Variants in THSD7B observed in about 807,000 individuals in gnomAD.
The protein encoded by THSD7B is thrombospondin type 1 domain containing 7B, also known as thrombospondin type-1 domain-containing protein 7B.
A neutral mutation model predicts 213.6 loss-of-function variants in THSD7B; 138 were observed. That is an observed-to-expected ratio of 0.65 (90% CI 0.56 to 0.74). The LOEUF is 0.74. Ranked by LOEUF, THSD7B falls within the 30% of genes least tolerant of loss-of-function variation. THSD7B has a pLI of 0.00. For synonymous variants in THSD7B, 742 were observed against 687.0 expected (o/e 1.08, Z -1.25); for missense variants, 1,931 against 1,991.5 (o/e 0.97, Z 0.58).
chr2:136,935,434 G>A (rs931753434), intron 2 of THSD7B, among the ~76,000 whole-genome samples: 1 of 152,130 alleles, frequency 6.6e-6, no homozygotes, highest in Non-Finnish European at 1.5e-5. Context: ...TAACAGAGTA[G>A]TTATTATTTT....
chr2:137,673,616 A>C (rs982116219), intron 27 of THSD7B, among the ~76,000 whole-genome samples: 1 of 152,228 alleles, frequency 6.6e-6, no homozygotes, highest in Non-Finnish European at 1.5e-5. Flanking sequence ...AAAGCAAGCC[A>C]GAGGTTCTAA....
Position 137,676,696 on chromosome 2 carries a change from A to C in THSD7B, c.*91A>C. ...ACTTCTCAGTTTTTTGAGGAATCTC[A>C]AGATGTGATATATTGGGCAGAATAC... On this transcript the variant is annotated 3_prime_UTR_variant, in exon 28 of 28. Transcript: ENST00000409968. 142 of 1,150,102 alleles carry C rather than the reference A, an allele frequency of 1.2e-4. No individual in the cohort carries two copies. Among genetic ancestry groups the C allele is most frequent in the Non-Finnish European group, 1.6e-4 (134 of 830,812 alleles). The allele number at this position is 1,150,102 out of a possible 1,614,324, so 71.2% of individuals were successfully genotyped here. A position where few individuals can be genotyped will look rare whatever the true frequency, so the allele number is the denominator to read the frequency against.
intron 27 of THSD7B, among the ~76,000 whole-genome samples, chr2:137,674,197 C>A (rs1239886900): frequency 6.6e-6 from 1 of 152,178 alleles, no homozygotes; most frequent in Non-Finnish European, 1.5e-5. Flanking sequence ...TGTCTAATTT[C>A]TCCTTGCCCA....
chr2:137,537,546 G>A (rs1680530022), intron 15 of THSD7B, among the ~76,000 whole-genome samples: 2 of 151,600 alleles, frequency 1.3e-5, no homozygotes, highest in Admixed American at 6.6e-5. Context: ...ATGATGATGG[G>A]TTGTATAACT....
At chr2:136,990,099 C>A (rs1386960822) in intron 2 of THSD7B, among the ~76,000 whole-genome samples, 1 of 152,148 alleles carries the variant, frequency 6.6e-6, no homozygotes, top group Non-Finnish European at 1.5e-5. Context: ...AAATATAATG[C>A]AATTTTCTCA....
intron 15 of THSD7B, among the ~76,000 whole-genome samples, chr2:137,512,382 C>CTTTTTTTTTTT (rs70978233): frequency 3.7e-5 from 3 of 81,380 alleles, no homozygotes; most frequent in Non-Finnish European, 4.2e-5. Context: ...CATTTATTTC[C>CTTTTTTTTTTT]TTTTTTTTTT....
intron 2 of THSD7B, among the ~76,000 whole-genome samples, chr2:137,038,147 C>T (rs1432234): frequency 0.8 from 121,831 of 152,102 alleles, 49,472 homozygotes; most frequent in South Asian, 0.92. Flanking sequence ...CACTTGGGAA[C>T]TTAAGGGCTG....
intron 2 of THSD7B, among the ~76,000 whole-genome samples, chr2:136,926,524 C>T (rs778354768): frequency 1.8e-4 from 27 of 151,910 alleles, no homozygotes; most frequent in Non-Finnish European, 4.0e-4. Flanking sequence ...AAAACCCTGT[C>T]TCTACAAAAA....
At chr2:136,927,121 C>G (rs1245069230) in intron 2 of THSD7B, among the ~76,000 whole-genome samples, 2 of 151,596 alleles carry the variant, frequency 1.3e-5, no homozygotes, top group Non-Finnish European at 2.9e-5. Flanking sequence ...CTATCACATA[C>G]AATTTTCAGC....
chr2:137,590,454 A>G (rs1441283964), intron 17 of THSD7B, among the ~76,000 whole-genome samples: 2 of 152,298 alleles, frequency 1.3e-5, no homozygotes, highest in African/African-American at 4.8e-5. Context: ...ACAAGATTGT[A>G]TCAGGCTTGG....
At chr2:137,631,235 A>C (rs1408384037) in intron 20 of THSD7B, among the ~76,000 whole-genome samples, 1 of 152,204 alleles carries the variant, frequency 6.6e-6, no homozygotes, top group African/African-American at 2.4e-5. Context: ...TTCAAAGATC[A>C]AAGCTTGTAA....
rs748252689 is a variant in THSD7B at position 137,056,435 on chromosome 2, G to A, written c.155G>A (p.Cys52Tyr). The A allele has an allele frequency of 1.2e-6, 2 of 1,613,470 alleles. No homozygotes were observed. Among genetic ancestry groups the A allele is most frequent in the South Asian group, 1.1e-5 (1 of 91,040 alleles). ...FIWKPGPWGR[C>Y]TGDCGPGGVQ... ...CTGCCTGTAGGTCCGTGGGGAAGGT[G>A]TACAGGAGACTGTGGTCCCGGAGGA... Residue 52 changes from cysteine (C) to tyrosine (Y), a missense_variant, in exon 3 of 28, where the codon TGT becomes TAT. Transcript: ENST00000409968.
intron 7 of THSD7B, among the ~76,000 whole-genome samples, chr2:137,212,195 A>G (rs1218966561): frequency 6.6e-6 from 1 of 152,036 alleles, no homozygotes; most frequent in Admixed American, 6.6e-5. Flanking sequence ...CTTCACTTAC[A>G]TTAGATTCTG....
chr2:137,408,870 A>G (rs1478126864), intron 13 of THSD7B, among the ~76,000 whole-genome samples: 2 of 152,178 alleles, frequency 1.3e-5, no homozygotes, highest in South Asian at 4.1e-4. Flanking sequence ...ATGAGTTTTG[A>G]TCTGAAGGAG....
intron 12 of THSD7B, among the ~76,000 whole-genome samples, chr2:137,381,619 C>A (rs1286946671): frequency 6.6e-6 from 1 of 152,184 alleles, no homozygotes; most frequent in Non-Finnish European, 1.5e-5. Flanking sequence ...GCGGGGGCCT[C>A]CCCAGTGAGA....
intron 15 of THSD7B, among the ~76,000 whole-genome samples, chr2:137,468,519 A>G (rs1471908548): frequency 2.0e-5 from 3 of 151,222 alleles, no homozygotes; most frequent in Non-Finnish European, 4.4e-5. Flanking sequence ...ATGAGTCTCC[A>G]AGGGCTGAGC....
At chr2:136,880,362 T>G (rs1433305447) in intron 1 of THSD7B, among the ~76,000 whole-genome samples, 1 of 152,172 alleles carries the variant, frequency 6.6e-6, no homozygotes, top group Non-Finnish European at 1.5e-5. Context: ...CTTCTACCCT[T>G]CAGATCCCCT....
intron 15 of THSD7B, among the ~76,000 whole-genome samples, chr2:137,524,100 A>G (rs1370114433): frequency 1.3e-5 from 2 of 152,152 alleles, no homozygotes; most frequent in Middle Eastern, 3.2e-3. Context: ...TGACAACAAC[A>G]GAAAGTCCTG....
chr2:137,583,191 T>C, intron 17 of THSD7B, among the ~76,000 whole-genome samples: 1 of 152,218 alleles, frequency 6.6e-6, no homozygotes, highest in East Asian at 1.9e-4. Context: ...TGGGCTTGTT[T>C]TTTTTCTTGT....
Sources: allele counts gnomAD v4.1 joint callset (sites outside exome capture counted in the v4.1 genomes callset), GRCh38; gene constraint gnomAD v4.1.1; transcripts MANE v1.5; gene names NCBI Gene and HGNC (gene_info 2026-07-23, HGNC 2026-07-21).